Variants in ITSN2 observed in about 807,000 individuals in gnomAD.
ITSN2 encodes the protein intersectin 2.
ITSN2 carries 156 observed loss-of-function variants against 243.7 expected under a neutral mutation model. The observed-to-expected ratio is 0.64, with a 90% CI of 0.56 to 0.73. ITSN2 has a LOEUF of 0.73. Among genes scored for constraint, ITSN2 ranks in the 30% least tolerant of loss-of-function variants. The pLI is 0.00. For synonymous variants in ITSN2, 703 were observed against 699.9 expected, an observed-to-expected ratio of 1.00 and a Z score of -0.07; for missense variants, 1,801 against 1,996.1, an observed-to-expected ratio of 0.90 and a Z score of 1.86.
Position 24,217,845 on chromosome 2 carries a change from T to A in ITSN2, c.3806+62A>T, listed in dbSNP as rs995820161. ...TAAGAAGCCCTTGCAGAGGGTTTTG[T>A]GTGAGTCTCAGTCTGGGGGCTTTGG... On this transcript the variant is annotated intron_variant, in intron 31 of 39. Coordinates refer to ENST00000355123, the MANE Select transcript of ITSN2 (RefSeq NM_006277.3). 23 of 1,122,710 alleles carry A rather than the reference T, an allele frequency of 2.0e-5. No individual in the cohort carries two copies. In the East Asian group the frequency reaches 5.0e-4, roughly 24 times the overall value. The allele number at this position is 1,122,710 out of a possible 1,614,324, so 69.5% of individuals were successfully genotyped here.
At chr2:24,318,566 T>A (rs915623411) in intron 2 of ITSN2, among the ~76,000 whole-genome samples, 1 of 152,230 alleles carries the variant, frequency 6.6e-6, no homozygotes, top group African/African-American at 2.4e-5. Context: ...GGTCACTGAC[T>A]GTAGCTGTCT....
intron 1 of ITSN2, among the ~76,000 whole-genome samples, chr2:24,358,835 C>G (rs954449366): frequency 6.6e-6 from 1 of 152,108 alleles, no homozygotes; most frequent in African/African-American, 2.4e-5. Flanking sequence ...TGAGATGTAC[C>G]GAACAATGGT....
intron 31 of ITSN2, among the ~76,000 whole-genome samples, chr2:24,217,675 G>GA (rs1243957137): frequency 6.6e-6 from 1 of 152,100 alleles, no homozygotes; most frequent in African/African-American, 2.4e-5. Flanking sequence ...GTTGTTTAAT[G>GA]ATTTAATTTT....
intron 29 of ITSN2, 30 bp downstream of exon 29, chr2:24,246,099 G>A (rs376911649): frequency 1.3e-6 from 2 of 1,505,906 alleles, no homozygotes; most frequent in East Asian, 2.3e-5. Context: ...TTCACACTAG[G>A]TGAGAGAAAA....
intron 13 of ITSN2, 117 bp from the exon 14 acceptor site, chr2:24,295,921 C>A: frequency 1.3e-6 from 1 of 750,980 alleles, no homozygotes; most frequent in Non-Finnish European, 2.0e-6. Context: ...CATATTCATC[C>A]TGAAACAAAT....
chr2:24,310,341 C>T lies in ITSN2; in HGVS notation c.596G>A (p.Gly199Glu). The T allele has an allele frequency of 6.2e-7, 1 of 1,613,662 alleles. No homozygotes were observed. The highest frequency in any genetic ancestry group is 8.5e-7 in the Non-Finnish European group (1 of 1,179,918). Residue 199 changes from glycine to glutamate, a missense_variant, in exon 7 of 40, where the codon GGA (glycine) becomes GAA (glutamate). Physicochemically the swap from Gly to Glu is moderately conservative, Grantham distance 98. Coordinates refer to ENST00000355123, the MANE Select transcript of ITSN2 (RefSeq NM_006277.3). ...HGSSYSLMMG[G>E]FGGASIQKAQ... ...TTTCTGTATACTAGCACCTCCAAAT[C>T]CTCCCATCATCAGACTATAAGATGA... is the stretch of plus-strand genomic sequence containing the variant.
chr2:24,261,015 G>T, intron 22 of ITSN2, 91 bp downstream of exon 22: 1 of 1,110,824 alleles, frequency 9.0e-7, no homozygotes, highest in Non-Finnish European at 1.3e-6. Flanking sequence ...CTGGTTAAAT[G>T]AGTGAATGGT....
At chr2:24,330,465 C>A in intron 1 of ITSN2, 1 of 655,506 alleles carries the variant, frequency 1.5e-6, no homozygotes, top group Admixed American at 1.8e-5. Context: ...GAACGAACCA[C>A]AGAGAAGACC....
In ITSN2 at chr2:24,308,522, A is replaced by C. The variant is rs955432331; in HGVS notation, c.793+95T>G. The C allele has an allele frequency of 3.9e-6, 3 of 763,998 alleles. No individual in the cohort carries two copies. In the African/African-American group the frequency reaches 5.4e-5, roughly 14 times the overall value. The allele number at this position is 763,998 out of a possible 1,614,324, so 47.3% of individuals were successfully genotyped here. ...AATTTTTTGGATGTTAAAATGTCAG[A>C]TGAGCTACACAATACAAATTCAAAT... On this transcript the variant is annotated intron_variant, in intron 8 of 39. Coordinates refer to ENST00000355123, the MANE Select transcript of ITSN2 (RefSeq NM_006277.3).
At chr2:24,221,540 A>T (rs985515667) in intron 29 of ITSN2, 2 of 153,348 alleles carry the variant, frequency 1.3e-5, no homozygotes, top group Admixed American at 6.5e-5. Context: ...ATATTGTGAA[A>T]TGTTTAGTTA....
At chr2:24,350,107 T>C (rs1336888148) in intron 1 of ITSN2, among the ~76,000 whole-genome samples, 3 of 152,182 alleles carry the variant, frequency 2.0e-5, no homozygotes, top group East Asian at 1.9e-4. Context: ...ACTCAGATTA[T>C]TGGTAGGTAG....
intron 14 of ITSN2, 34 bp downstream of exon 14, chr2:24,295,630 A>G (rs542642579): frequency 2.1e-6 from 3 of 1,458,830 alleles, no homozygotes; most frequent in Admixed American, 2.8e-5. Flanking sequence ...TTAATTGTAC[A>G]TGTTTAAGAA....
chr2:24,278,455 T>C (rs376865989), intron 17 of ITSN2, among the ~76,000 whole-genome samples: 11 of 152,140 alleles, frequency 7.2e-5, no homozygotes, highest in African/African-American at 2.7e-4. Flanking sequence ...CTATGCAAAT[T>C]AGTAAGATTT....
chr2:24,295,586 G>A, intron 14 of ITSN2, 78 bp downstream of exon 14: 1 of 1,168,772 alleles, frequency 8.6e-7, no homozygotes, highest in Non-Finnish European at 1.2e-6. Flanking sequence ...TAGCATTACA[G>A]CCGTGAGCCA....
Position 24,310,693 on chromosome 2 carries a change from C to T in ITSN2, c.353-1G>A. 1.2e-6 allele frequency: 2 copies of T among 1,612,940 alleles called. No homozygotes were observed. The highest frequency in any genetic ancestry group is 8.5e-7 in the Non-Finnish European group (1 of 1,179,260). ...GACAGATTGGGCATGCTTCCCATTC[C>T]TAAAGTCAAAAGAAAACATTTTTTC... On this transcript the variant is annotated splice_acceptor_variant, in intron 5 of 39. Transcript: ENST00000355123. LOFTEE classifies it high-confidence loss of function.
At chr2:24,269,267 C>T (rs1024486029) in intron 20 of ITSN2, among the ~76,000 whole-genome samples, 2 of 152,294 alleles carry the variant, frequency 1.3e-5, no homozygotes, top group South Asian at 2.1e-4. Flanking sequence ...CAGCCCAGAC[C>T]GCTGCCTGAC....
chr2:24,271,841 T>A lies in ITSN2; in HGVS notation c.2182A>T (p.Ile728Phe). ...TCAGCTTTCCGTTCCTCTTCTTGAA[T>A]TTTTTCTTGTGTTTTTTCTTCCTGG... ...RLQEEKTQEK[I>F]QEEERKAEEK... The change falls in exon 19 of 40, where the codon ATT becomes TTT. Residue 728 changes from isoleucine (I) to phenylalanine (F), a missense_variant. By Grantham distance (21) the Ile-to-Phe change is conservative. This residue lies in a region of ITSN2 where 787 missense variants were observed against 803.9 expected (regional missense o/e 0.98). Transcript: ENST00000355123. The A allele has an allele frequency of 6.2e-7, 1 of 1,610,638 alleles. No individual in the cohort carries two copies. Among genetic ancestry groups the A allele is most frequent in the Non-Finnish European group, 8.5e-7 (1 of 1,179,340 alleles).
intron 29 of ITSN2, among the ~76,000 whole-genome samples, chr2:24,223,824 G>GAA (rs70944730): frequency 0.19 from 27,345 of 142,600 alleles, 3,100 homozygotes; most frequent in Non-Finnish European, 0.25. Context: ...GGAAGGAAGG[G>GAA]AAAAAAAGGA....
At chr2:24,351,937 A>G (rs923723838) in intron 1 of ITSN2, among the ~76,000 whole-genome samples, 2 of 152,214 alleles carry the variant, frequency 1.3e-5, no homozygotes, top group Admixed American at 1.3e-4. Flanking sequence ...TCAACTTAAT[A>G]TAGAAGGGAA....
Sources: gnomAD v4.1 joint callset for allele counts (sites outside exome capture counted in the v4.1 genomes callset) on GRCh38, gnomAD v4.1.1 for gene constraint, gnomAD v4.1.1 regional missense constraint, MANE v1.5 for transcripts, NCBI Gene and HGNC (gene_info 2026-07-23, HGNC 2026-07-21) for gene names.